CHRNA7: variants seen among roughly 807,000 people sequenced by gnomAD.
CHRNA7 encodes the protein cholinergic receptor nicotinic alpha 7 subunit, also known as neuronal acetylcholine receptor subunit alpha-7.
CHRNA7 carries 17 observed loss-of-function variants against 48.0 expected under a neutral mutation model. The observed-to-expected ratio is 0.35, with a 90% CI of 0.24 to 0.53. The LOEUF is 0.53. Ranked by LOEUF, CHRNA7 falls within the 20% of genes least tolerant of loss-of-function variation. The probability of loss-of-function intolerance (pLI) is 0.92; values close to 1 mark genes in which losing one functional copy is unlikely to be tolerated. For synonymous variants in CHRNA7, 75 were observed against 242.3 expected (o/e 0.31, Z 6.41); for missense variants, 155 against 577.7 (o/e 0.27, Z 7.50).
intron 2 of CHRNA7, among the ~76,000 whole-genome samples, chr15:32,087,693 T>C (rs1299468440): frequency 6.6e-6 from 1 of 152,218 alleles, no homozygotes; most frequent in African/African-American, 2.4e-5. Flanking sequence ...GGCATCCATT[T>C]ACTTAACTGT....
At chr15:32,074,850 T>C (rs1308063355) in intron 2 of CHRNA7, among the ~76,000 whole-genome samples, 3 of 152,024 alleles carry the variant, frequency 2.0e-5, no homozygotes, top group African/African-American at 4.8e-5. Context: ...GGTTTCACCA[T>C]GTCGGCCAGC....
chr15:32,043,371 T>A (rs975105640), intron 2 of CHRNA7, among the ~76,000 whole-genome samples: 2 of 152,192 alleles, frequency 1.3e-5, no homozygotes, highest in Non-Finnish European at 2.9e-5. Context: ...CTGATCTATT[T>A]GGTTTTAAAT....
chr15:32,130,435 C>T (rs1335036244), intron 4 of CHRNA7, among the ~76,000 whole-genome samples: 2 of 151,324 alleles, frequency 1.3e-5, no homozygotes, highest in Non-Finnish European at 3.0e-5. Flanking sequence ...TTATATCTAT[C>T]TTTCATAATT....
At chr15:32,109,576 C>T (rs745378548) in intron 3 of CHRNA7, among the ~76,000 whole-genome samples, 1 of 152,166 alleles carries the variant, frequency 6.6e-6, no homozygotes, top group Non-Finnish European at 1.5e-5. Context: ...AGCAGATGGG[C>T]AGCAGCATCA....
intron 2 of CHRNA7, among the ~76,000 whole-genome samples, chr15:32,076,428 A>AT (rs1457425845): frequency 6.6e-6 from 1 of 151,962 alleles, no homozygotes; most frequent in African/African-American, 2.4e-5. Context: ...ATCTATGGTA[A>AT]TTTTCTTTGC....
At position 32,149,406 on chromosome 15, in the gene CHRNA7, A is replaced by G. The variant is rs530408778; in HGVS notation, c.351-4501A>G. Among the ~76,000 whole-genome samples the G allele has an allele frequency of 1.3e-5, 2 of 152,126 alleles. No individual in the cohort carries two copies. The highest frequency in any genetic ancestry group is 2.4e-5 in the African/African-American group (1 of 41,428). ...CGGTGCTGTGGCCACTGAGGTCCTC[A>G]TAGGGGTTCTGGCCACTCACATTTC... On this transcript the variant is annotated intron_variant, in intron 4 of 9. Transcript: ENST00000306901. This position sits in a 1 kb window ranked among gnomAD's most constrained non-coding sequence, Gnocchi z 4.6.
intron 2 of CHRNA7, among the ~76,000 whole-genome samples, chr15:32,082,656 G>A (rs958760885): frequency 1.4e-4 from 22 of 151,944 alleles, no homozygotes; most frequent in African/African-American, 5.3e-4. Flanking sequence ...TTTTTAATAT[G>A]ATTATTTTGA....
chr15:32,098,041 C>T (rs1283553444), intron 2 of CHRNA7, among the ~76,000 whole-genome samples: 2 of 152,230 alleles, frequency 1.3e-5, no homozygotes, highest in Admixed American at 1.3e-4. Context: ...TGCCGGGGGC[C>T]AGAGGGCCAT....
intron 2 of CHRNA7, among the ~76,000 whole-genome samples, chr15:32,073,767 C>CCATATGA (rs2050093906): frequency 6.6e-6 from 1 of 152,128 alleles, no homozygotes; most frequent in Non-Finnish European, 1.5e-5. Flanking sequence ...CCCTCTTTTG[C>CCATATGA]CATATGACAC....
rs766785456 is a variant in CHRNA7 at position 32,030,662 on chromosome 15, C to T, written c.55+13C>T. ...TCGCTCCTGCACGGTAAAGCCACTG[C>T]CTCCCCGCCCTCCACTCCTCCGTGG... On this transcript the variant is annotated intron_variant, in intron 1 of 9. Coordinates refer to ENST00000306901, the MANE Select transcript of CHRNA7 (RefSeq NM_000746.6). 6.4e-7 allele frequency: 1 copy of T among 1,568,482 alleles called. No individual in the cohort carries two copies. Among genetic ancestry groups the T allele is most frequent in the African/African-American group, 1.4e-5 (1 of 72,408 alleles).
intron 3 of CHRNA7, among the ~76,000 whole-genome samples, chr15:32,107,172 C>A (rs1034661681): frequency 6.6e-6 from 1 of 152,174 alleles, no homozygotes; most frequent in Admixed American, 6.5e-5. Flanking sequence ...AACCAATTTT[C>A]CACCAGCAAC....
intron 3 of CHRNA7, among the ~76,000 whole-genome samples, chr15:32,109,837 A>T (rs2050733377): frequency 6.6e-6 from 1 of 152,106 alleles, no homozygotes; most frequent in African/African-American, 2.4e-5. Context: ...CGGGGAGGGG[A>T]TGAGCCCGTG....
At chr15:32,125,024 G>T (rs965052994) in intron 4 of CHRNA7, among the ~76,000 whole-genome samples, 1 of 152,174 alleles carries the variant, frequency 6.6e-6, no homozygotes, top group African/African-American at 2.4e-5. Flanking sequence ...AGCTATCACT[G>T]CTTTCAACTG....
chr15:32,090,037 G>A (rs1167127970), intron 2 of CHRNA7, among the ~76,000 whole-genome samples: 1 of 152,198 alleles, frequency 6.6e-6, no homozygotes, highest in African/African-American at 2.4e-5. Context: ...TGGTAGGTGG[G>A]GATGAGGGGA....
chr15:32,055,629 T>C (rs1040179886), intron 2 of CHRNA7, among the ~76,000 whole-genome samples: 11 of 152,322 alleles, frequency 7.2e-5, no homozygotes, highest in African/African-American at 2.6e-4. Flanking sequence ...TGTCTCCCAA[T>C]ACCATCCTAG....
At chr15:32,119,659 C>T (rs1052168079) in intron 4 of CHRNA7, among the ~76,000 whole-genome samples, 1 of 152,198 alleles carries the variant, frequency 6.6e-6, no homozygotes, top group Non-Finnish European at 1.5e-5. Context: ...TTCATATTCT[C>T]CTCTTGACTT....
intron 2 of CHRNA7, among the ~76,000 whole-genome samples, chr15:32,049,025 G>GTCTGAAAGTCAGTTTGTTATAGTT (rs1457140245): frequency 9.8e-6 from 1 of 102,042 alleles, no homozygotes; most frequent in Admixed American, 9.8e-5. Flanking sequence ...TTGCACTGTG[G>GTCTGAAAGTCAGTTTGTTATAGTT]TCTGTTCTTT....
At chr15:32,112,929 A>G (rs12438995) in intron 4 of CHRNA7, among the ~76,000 whole-genome samples, 14,271 of 152,234 alleles carry the variant, frequency 0.094, 751 homozygotes, top group Middle Eastern at 0.13. Flanking sequence ...ATTTGCTGCC[A>G]CTTTTCTGCT....
intron 4 of CHRNA7, among the ~76,000 whole-genome samples, chr15:32,123,895 T>A (rs1185909115): frequency 9.0e-6 from 1 of 110,800 alleles, no homozygotes; most frequent in Non-Finnish European, 1.7e-5. Flanking sequence ...ATTCCTAAGC[T>A]CCCCCCCGCC....
Sources: allele counts gnomAD v4.1 joint callset (sites outside exome capture counted in the v4.1 genomes callset), GRCh38; gene constraint gnomAD v4.1.1; non-coding constraint Gnocchi (gnomAD v3.1); transcripts MANE v1.5; gene names NCBI Gene and HGNC (gene_info 2026-07-23, HGNC 2026-07-21).